Variants in SFI1 observed in about 807,000 individuals in gnomAD.
SFI1 encodes the protein SFI1 centrin binding protein, also known as protein SFI1 homolog.
SFI1 carries 195 observed loss-of-function variants against 207.5 expected under a neutral mutation model. The observed-to-expected ratio is 0.94, with a 90% CI of 0.84 to 1.06. The LOEUF is 1.06. Ranked by LOEUF, SFI1 falls within the 50% of genes least tolerant of loss-of-function variation. SFI1 has a pLI of 0.00. For missense variants in SFI1, 1,634 were observed against 1,588.0 expected, an observed-to-expected ratio of 1.03 and a Z score of -0.49; for synonymous variants, 630 against 598.9, an observed-to-expected ratio of 1.05 and a Z score of -0.76.
At chr22:31,590,968 TTTATTTATTTA>T (rs869276447) in intron 15 of SFI1, among the ~76,000 whole-genome samples, 18 of 146,170 alleles carry the variant, frequency 1.2e-4, no homozygotes, top group South Asian at 2.2e-4. Context: ...TATTTATTTA[TTTATTTATTTA>T]TTTTTTTATT....
intron 2 of SFI1, among the ~76,000 whole-genome samples, 164 bp from the exon 3 acceptor site, chr22:31,528,526 G>A (rs1439707268): frequency 6.6e-6 from 1 of 152,180 alleles, no homozygotes; most frequent in Non-Finnish European, 1.5e-5. Flanking sequence ...TCTAGTGGTT[G>A]GCCAATATTT....
In SFI1 at chr22:31,564,876, C is replaced by T. The variant is rs551123722; in HGVS notation, c.765+3484C>T. ...TCGCCCAGGCTGGAGTGCAGTATCG[C>T]GATGTTGGCTCACTGCAAGCTCCGC... is the stretch of plus-strand genomic sequence containing the variant. On this transcript the variant is annotated intron_variant, in intron 8 of 32. Transcript: ENST00000400288. 1.3e-3 allele frequency among the ~76,000 whole-genome samples: 177 copies of T among 138,302 alleles called. 1 individual carries two copies. Among genetic ancestry groups the T allele is most frequent in the African/African-American group, 4.7e-3 (169 of 35,972 alleles). 90.7% of individuals were successfully genotyped at this position (138,302 alleles called of 152,430 possible).
In SFI1 at chr22:31,561,404, A is replaced by G; in HGVS notation, c.765+12A>G. 1 of 1,610,004 alleles carries G rather than the reference A, an allele frequency of 6.2e-7. No individual in the cohort carries two copies. The highest frequency in any genetic ancestry group is 1.1e-5 in the South Asian group (1 of 90,392). On this transcript the variant is annotated intron_variant, in intron 8 of 32. Coordinates refer to ENST00000400288, the MANE Select transcript of SFI1 (RefSeq NM_001007467.3). Reference sequence around the variant, plus strand: ...GCCTCCAGGTGCAGGTGAGTCCAGCAGACGTGGGATTTGGCATCCTCTGTC... The same window carrying G: ...GCCTCCAGGTGCAGGTGAGTCCAGCGGACGTGGGATTTGGCATCCTCTGTC...
intron 27 of SFI1, chr22:31,614,524 C>T (rs1175204290): frequency 1.5e-6 from 1 of 657,200 alleles, no homozygotes; most frequent in Admixed American, 2.1e-5. Flanking sequence ...GACATGGACC[C>T]TGGCGACCTG....
At chr22:31,529,228 T>C (rs895412869) in intron 3 of SFI1, among the ~76,000 whole-genome samples, 1 of 152,200 alleles carries the variant, frequency 6.6e-6, no homozygotes, top group African/African-American at 2.4e-5. Context: ...CGATTAGATA[T>C]ATTAGAGACA....
chr22:31,546,565 C>T (rs1486360528), intron 4 of SFI1, among the ~76,000 whole-genome samples: 2 of 151,866 alleles, frequency 1.3e-5, no homozygotes, highest in East Asian at 1.9e-4. Flanking sequence ...TGTGATCCAC[C>T]CGCCTTGGCC....
At chr22:31,526,526 G>T (rs772806497) in intron 2 of SFI1, among the ~76,000 whole-genome samples, 1 of 152,148 alleles carries the variant, frequency 6.6e-6, no homozygotes, top group Non-Finnish European at 1.5e-5. Context: ...TTGCAGATGC[G>T]ATTTGGGTGG....
At chr22:31,606,631 AATAGAAAC>A (rs1569453103) in intron 21 of SFI1, 1 of 529,566 alleles carries the variant, frequency 1.9e-6, no homozygotes, top group East Asian at 3.0e-5. Flanking sequence ...ATATGCATTA[AATAGAAAC>A]ATAACACATC....
chr22:31,585,901 A>G (rs1261035204), intron 14 of SFI1, among the ~76,000 whole-genome samples: 2 of 152,124 alleles, frequency 1.3e-5, no homozygotes, highest in Non-Finnish European at 2.9e-5. Context: ...AGGAAGACAC[A>G]AACCAAACTC....
In SFI1 at chr22:31,615,243, C is replaced by A. The variant is rs563224421; in HGVS notation, c.3264C>A (p.Ser1088=). ...TGPELLLLPL[S]SFMPCGAAAP... ...CGGAGCTGCTGCTGCTGCCTCTTTC[C>A]TCCTTCATGCCCTGCGGGGCGGCTG... The change falls in exon 29 of 33, where the codon TCC becomes TCA. Residue 1088 remains serine, a synonymous_variant. Transcript: ENST00000400288. 1.6e-5 allele frequency: 24 copies of A among 1,525,800 alleles called. 1 individual carries two copies. In the South Asian group the frequency reaches 3.0e-4, roughly 19 times the overall value. The allele number at this position is 1,525,800 out of a possible 1,614,324, so 94.5% of individuals were successfully genotyped here. A position where few individuals can be genotyped will look rare whatever the true frequency, so the allele number is the denominator to read the frequency against.
At chr22:31,532,681 A>G (rs937336685) in intron 4 of SFI1, among the ~76,000 whole-genome samples, 1 of 152,066 alleles carries the variant, frequency 6.6e-6, no homozygotes, top group Non-Finnish European at 1.5e-5. Context: ...CTGCTGTTCC[A>G]TCTCTTCCTT....
intron 1 of SFI1, among the ~76,000 whole-genome samples, chr22:31,502,996 A>C (rs2054040705): frequency 7.1e-6 from 1 of 140,958 alleles, no homozygotes; most frequent in Non-Finnish European, 1.5e-5. Context: ...CAGAGTTTGC[A>C]GTGAGCCGAG....
intron 2 of SFI1, 131 bp from the exon 3 acceptor site, chr22:31,528,559 A>G: frequency 1.2e-6 from 1 of 823,274 alleles, no homozygotes; most frequent in Non-Finnish European, 1.9e-6. Context: ...GCTGCTTATT[A>G]TCCTTGCAGC....
intron 24 of SFI1, chr22:31,612,910 C>T (rs921452077): frequency 1.6e-4 from 86 of 541,082 alleles, no homozygotes; most frequent in Non-Finnish European, 2.6e-4. Context: ...CTCCACGCAT[C>T]CCCCTGCAGG....
chr22:31,526,805 C>T (rs1476215090), intron 2 of SFI1, among the ~76,000 whole-genome samples: 5 of 152,076 alleles, frequency 3.3e-5, no homozygotes, highest in Admixed American at 6.6e-5. Context: ...TCAGGTGATC[C>T]GCCTGCCTCA....
At chr22:31,584,157 T>C (rs1429073010) in intron 13 of SFI1, among the ~76,000 whole-genome samples, 185 bp downstream of exon 13, 1 of 152,166 alleles carries the variant, frequency 6.6e-6, no homozygotes, top group Non-Finnish European at 1.5e-5. Context: ...AGATGGGAGA[T>C]AGAATGAGCA....
intron 6 of SFI1, among the ~76,000 whole-genome samples, chr22:31,554,810 T>C (rs879507944): frequency 1.3e-5 from 2 of 152,040 alleles, no homozygotes; most frequent in Non-Finnish European, 2.9e-5. Flanking sequence ...CATTTACTGC[T>C]ATAAAGTTCT....
At chr22:31,617,441 C>G (rs2071836734) in intron 31 of SFI1, among the ~76,000 whole-genome samples, 1 of 152,142 alleles carries the variant, frequency 6.6e-6, no homozygotes, top group Admixed American at 6.5e-5. Context: ...CAGAGAAGGG[C>G]CAGGCGCAGT....
intron 19 of SFI1, 46 bp from the exon 20 acceptor site, chr22:31,604,823 G>T (rs757926048): frequency 6.4e-7 from 1 of 1,560,152 alleles, no homozygotes; most frequent in Non-Finnish European, 8.8e-7. Context: ...TAAACAGGGG[G>T]AAGTGTGGGC....
Sources: gnomAD v4.1 joint callset for allele counts (sites outside exome capture counted in the v4.1 genomes callset) on GRCh38, gnomAD v4.1.1 for gene constraint, MANE v1.5 for transcripts, NCBI Gene and HGNC (gene_info 2026-07-23, HGNC 2026-07-21) for gene names.